Variants in ATXN8OS observed in about 807,000 individuals in gnomAD.
The protein encoded by ATXN8OS is ATXN8 opposite strand lncRNA.
intron 2 of ATXN8OS, among the ~76,000 whole-genome samples, chr13:70,117,849 ATTG>A (rs1406091795): frequency 5.9e-5 from 5 of 85,056 alleles, no homozygotes; most frequent in African/African-American, 1.1e-4. Context: ...TGACCTTTAT[ATTG>A]TTGTAAAAAA....
At chr13:70,154,805 C>A (rs1202836176) in intron 4 of ATXN8OS, among the ~76,000 whole-genome samples, 1 of 152,158 alleles carries the variant, frequency 6.6e-6, no homozygotes, top group Non-Finnish European at 1.5e-5. Flanking sequence ...CTAAGAAGTA[C>A]AACAAAGGTC....
intron 3 of ATXN8OS, among the ~76,000 whole-genome samples, chr13:70,133,654 G>A (rs1482807090): frequency 1.3e-5 from 2 of 152,072 alleles, no homozygotes; most frequent in African/African-American, 4.8e-5. Flanking sequence ...CAGAAACACA[G>A]AAAAAAGGCT....
At chr13:70,116,587 A>T (rs1432779513) in intron 2 of ATXN8OS, among the ~76,000 whole-genome samples, 1 of 152,174 alleles carries the variant, frequency 6.6e-6, no homozygotes, top group Non-Finnish European at 1.5e-5. Flanking sequence ...CAGATCACTT[A>T]CAGGATCTTT....
chr13:70,158,403 C>T (rs1006130607), intron 4 of ATXN8OS, among the ~76,000 whole-genome samples: 1 of 152,086 alleles, frequency 6.6e-6, no homozygotes, highest in African/African-American at 2.4e-5. Flanking sequence ...GGGCGACAGG[C>T]AAGACTCCAT....
intron 1 of ATXN8OS, among the ~76,000 whole-genome samples, chr13:70,109,070 T>C (rs1273084348): frequency 6.6e-6 from 1 of 152,206 alleles, no homozygotes; most frequent in Non-Finnish European, 1.5e-5. Context: ...AATAAAATGA[T>C]AAAAGAGAAT....
intron 3 of ATXN8OS, among the ~76,000 whole-genome samples, chr13:70,134,797 T>G (rs1888586939): frequency 6.6e-6 from 1 of 152,166 alleles, no homozygotes; most frequent in South Asian, 2.1e-4. Context: ...ATAGAAGGAC[T>G]GCAATCTGTC....
At chr13:70,130,539 G>T in intron 3 of ATXN8OS, 1 of 395,420 alleles carries the variant, frequency 2.5e-6, no homozygotes, top group South Asian at 1.4e-4. Flanking sequence ...ATGTGATGTA[G>T]GGGAAGTATT....
At chr13:70,155,878 T>C (rs1888929490) in intron 4 of ATXN8OS, among the ~76,000 whole-genome samples, 1 of 152,166 alleles carries the variant, frequency 6.6e-6, no homozygotes, top group African/African-American at 2.4e-5. Flanking sequence ...AAGTATGTTT[T>C]ATTTCTTGCT....
rs1310495006 is a variant in ATXN8OS at position 70,139,494 on chromosome 13, A to G, written n.500-7861A>G. On this transcript the variant is annotated intron_variant and non_coding_transcript_variant, in intron 3 of 4. Transcript: ENST00000678624. Reference sequence around the variant, plus strand: ...TTATAATTGTTATATATTTTTCCACACTTCCTCATACTGCTTATCTCTTAC... The same window carrying G: ...TTATAATTGTTATATATTTTTCCACGCTTCCTCATACTGCTTATCTCTTAC... 3 of 583,606 alleles carry G rather than the reference A, an allele frequency of 5.1e-6. 1 individual carries two copies. Among genetic ancestry groups the G allele is most frequent in the Non-Finnish European group, 9.1e-6 (3 of 329,030 alleles). 36.2% of individuals were successfully genotyped at this position (583,606 alleles called of 1,614,324 possible). A position where few individuals can be genotyped will look rare whatever the true frequency, so the allele number is the denominator to read the frequency against.
intron 3 of ATXN8OS, among the ~76,000 whole-genome samples, chr13:70,147,073 T>C (rs540669692): frequency 6.6e-6 from 1 of 152,272 alleles, no homozygotes; most frequent in East Asian, 1.9e-4. Context: ...CTTTTGGATA[T>C]GTTTCTGAAA....
chr13:70,118,189 T>G (rs976558551), intron 2 of ATXN8OS, among the ~76,000 whole-genome samples: 6 of 152,058 alleles, frequency 3.9e-5, no homozygotes, highest in Admixed American at 2.6e-4. Flanking sequence ...TCCTCTCCTG[T>G]GAGTTGGGAG....
chr13:70,127,370 A>C (rs998255554), intron 2 of ATXN8OS, among the ~76,000 whole-genome samples: 8 of 152,018 alleles, frequency 5.3e-5, no homozygotes, highest in African/African-American at 1.9e-4. Context: ...AAGCATAATA[A>C]AATGTTGTTA....
At chr13:70,119,875 C>T (rs1888332693) in intron 2 of ATXN8OS, among the ~76,000 whole-genome samples, 1 of 151,556 alleles carries the variant, frequency 6.6e-6, no homozygotes, top group African/African-American at 2.4e-5. Context: ...ACTTGGGTTC[C>T]ATCCACAAGA....
intron 3 of ATXN8OS, chr13:70,131,492 A>G (rs1164506332): frequency 7.5e-6 from 3 of 398,304 alleles, no homozygotes; most frequent in African/African-American, 2.1e-5. Flanking sequence ...CTCATTTTAC[A>G]TATTTTTTTA....
chr13:70,158,880 A>G (rs1165789327), intron 4 of ATXN8OS, among the ~76,000 whole-genome samples: 3 of 152,226 alleles, frequency 2.0e-5, no homozygotes, highest in African/African-American at 7.2e-5. Context: ...TTCATGGGCC[A>G]TAGTTTGTCA....
intron 3 of ATXN8OS, among the ~76,000 whole-genome samples, chr13:70,138,173 C>T (rs1369728558): frequency 6.6e-6 from 1 of 152,124 alleles, no homozygotes; most frequent in African/African-American, 2.4e-5. Context: ...TGCAATGTTT[C>T]CCCCTGTTGT....
At chr13:70,162,639 G>C (rs1292198960) in intron 4 of ATXN8OS, among the ~76,000 whole-genome samples, 4 of 151,934 alleles carry the variant, frequency 2.6e-5, no homozygotes, top group Non-Finnish European at 5.9e-5. Flanking sequence ...AATTTGATTT[G>C]ATATAAGAAA....
At chr13:70,129,164 A>G (rs1667155380) in intron 2 of ATXN8OS, among the ~76,000 whole-genome samples, 1 of 152,130 alleles carries the variant, frequency 6.6e-6, no homozygotes, top group Admixed American at 6.6e-5. Flanking sequence ...CGGGCCCACA[A>G]AAATCAATTT....
At chr13:70,115,204 T>G (rs913855851) in exon 2 of ATXN8OS, 1 of 398,366 alleles carries the variant, frequency 2.5e-6, no homozygotes, top group African/African-American at 2.1e-5. Context: ...ATCTTCTTGC[T>G]CTGAACACAC....
Sources: gnomAD v4.1 joint callset for allele counts (sites outside exome capture counted in the v4.1 genomes callset) on GRCh38, gnomAD v4.1.1 for gene constraint, MANE v1.5 for transcripts, NCBI Gene and HGNC (gene_info 2026-07-23, HGNC 2026-07-21) for gene names.